The following PARP14 variants were observed in gnomAD, a reference collection of about 807,000 sequenced individuals.
The protein encoded by PARP14 is poly(ADP-ribose) polymerase family member 14, also known as protein mono-ADP-ribosyltransferase PARP14.
In PARP14, 59 loss-of-function variants were observed where a neutral mutation model predicts 154.2. The ratio of observed to expected loss-of-function variants is 0.38; its 90% confidence interval spans 0.31 to 0.48. The LOEUF (loss-of-function observed/expected upper bound fraction) is 0.48, where lower values mean the gene tolerates loss of function less well. PARP14 is among the 20% of genes least tolerant of loss of function. The pLI is 0.98. For synonymous variants in PARP14, 720 were observed against 780.5 expected (o/e 0.92, Z 1.29); for missense variants, 1,734 against 2,131.6 (o/e 0.81, Z 3.67).
intron 6 of PARP14, among the ~76,000 whole-genome samples, chr3:122,703,011 C>CAAA (rs1185336732): frequency 5.9e-5 from 4 of 67,380 alleles, no homozygotes; most frequent in African/African-American, 1.6e-4. Flanking sequence ...AAAAAAAAAA[C>CAAA]AAAAAAAAAA....
At chr3:122,724,332 T>A (rs1160768933) in intron 15 of PARP14, among the ~76,000 whole-genome samples, 2 of 151,902 alleles carry the variant, frequency 1.3e-5, no homozygotes, top group Non-Finnish European at 2.9e-5. Context: ...AAAGTTTTGC[T>A]CTGTCATTCC....
At position 122,687,092 on chromosome 3, in the gene PARP14, A is replaced by G; in HGVS notation, c.334A>G (p.Lys112Glu). 6.3e-7 allele frequency: 1 copy of G among 1,593,734 alleles called. No individual in the cohort carries two copies. The highest frequency in any genetic ancestry group is 8.6e-7 in the Non-Finnish European group (1 of 1,167,006). The change falls in exon 3 of 17, where the codon AAA becomes GAA. Residue 112 changes from lysine to glutamate, a missense_variant. Coordinates refer to ENST00000474629, the MANE Select transcript of PARP14 (RefSeq NM_017554.3). ...EELLTKESKTKEDVKEPDVSE... is the reference protein window; with the variant it reads ...EELLTKESKTEEDVKEPDVSE... Reference sequence around the variant, plus strand: ...GTTTGTGTTTCAGGAATCCAAGACCAAAGAAGATGTTAAAGAACCAGGTAA... The same window carrying G: ...GTTTGTGTTTCAGGAATCCAAGACCGAAGAAGATGTTAAAGAACCAGGTAA...
intron 9 of PARP14, among the ~76,000 whole-genome samples, chr3:122,708,827 C>T (rs114124388): frequency 3.8e-4 from 58 of 152,188 alleles, no homozygotes; most frequent in African/African-American, 1.4e-3. Flanking sequence ...GCCTACCCCC[C>T]TCAATCCCAC....
In PARP14 at chr3:122,728,704, C is replaced by A; in HGVS notation, c.*107C>A. 2 of 827,918 alleles carry A rather than the reference C, an allele frequency of 2.4e-6. No individual in the cohort carries two copies. Among genetic ancestry groups the A allele is most frequent in the South Asian group, 1.7e-5 (1 of 58,206 alleles). 51.3% of individuals were successfully genotyped at this position (827,918 alleles called of 1,614,324 possible). A position where few individuals can be genotyped will look rare whatever the true frequency, so the allele number is the denominator to read the frequency against. On this transcript the variant is annotated 3_prime_UTR_variant, in exon 17 of 17. Transcript: ENST00000474629. ...TCCTCTTAACAGATTTTTCTAATAT[C>A]CAAGGATCATTCTTTGTCGCTGAAG...
intron 15 of PARP14, among the ~76,000 whole-genome samples, chr3:122,724,798 C>G (rs542583796): frequency 6.6e-6 from 1 of 152,090 alleles, no homozygotes; most frequent in Non-Finnish European, 1.5e-5. Context: ...ATCCCTGCGG[C>G]CTTCCGCAGT....
At chr3:122,708,383 T>C (rs1327564409) in intron 9 of PARP14, 115 bp downstream of exon 9, 2 of 634,884 alleles carry the variant, frequency 3.2e-6, no homozygotes, top group South Asian at 1.9e-5. Context: ...GAGTGACAAA[T>C]GATACTAAGT....
At chr3:122,698,879 T>A (rs1045022719) in intron 5 of PARP14, among the ~76,000 whole-genome samples, 1 of 152,142 alleles carries the variant, frequency 6.6e-6, no homozygotes, top group Admixed American at 6.5e-5. Flanking sequence ...AGCTTCACTT[T>A]GAGCACCAAA....
chr3:122,728,328 A>C lies in PARP14; in HGVS notation c.5137A>C (p.Thr1713Pro). The change falls in exon 17 of 17, where the codon ACC (threonine) becomes CCC (proline). Residue 1713 changes from threonine (T) to proline (P), a missense_variant. By Grantham distance (38) the Thr-to-Pro change is conservative. Coordinates refer to ENST00000474629, the MANE Select transcript of PARP14 (RefSeq NM_017554.3). ...CACAGCTGTGGCATATGGAAAGGGAACCTATTTTGCTGTCAATGCCAATTA... is the reference window on the plus strand; with the variant it reads ...CACAGCTGTGGCATATGGAAAGGGACCCTATTTTGCTGTCAATGCCAATTA... ...GKNAVAYGKG[T>P]YFAVNANYSA... The C allele has an allele frequency of 6.2e-7, 1 of 1,613,134 alleles. No homozygotes were observed. The highest frequency in any genetic ancestry group is 8.5e-7 in the Non-Finnish European group (1 of 1,179,100).
At position 122,703,793 on chromosome 3, in the gene PARP14, C is replaced by T; in HGVS notation, c.3133C>T (p.Pro1045Ser). The T allele has an allele frequency of 1.2e-6, 2 of 1,613,786 alleles. No homozygotes were observed. The highest frequency in any genetic ancestry group is 1.7e-6 in the Non-Finnish European group (2 of 1,179,732). The change falls in exon 7 of 17, where the codon CCT becomes TCT. Residue 1045 changes from proline to serine, a missense_variant. Physicochemically the swap from Pro to Ser is moderately conservative, Grantham distance 74. Transcript: ENST00000474629. ...VPLDLVLSRG[P>S]LSKSLLEKAG... is the part of the protein sequence containing the mutation. ...CTTGGATCTCGTGCTTAGTAGAGGG[C>T]CTCTTTCTAAGTCCCTCTTGGAAAA...
At chr3:122,689,501 G>A (rs560448729) in intron 3 of PARP14, among the ~76,000 whole-genome samples, 160 of 152,164 alleles carry the variant, frequency 1.1e-3, no homozygotes, top group Non-Finnish European at 7.1e-4. Context: ...TGGAGTCGTG[G>A]TCTCACTATG....
At position 122,700,662 on chromosome 3, in the gene PARP14, A is replaced by G. The variant is rs372058832; in HGVS notation, c.2108A>G (p.Gln703Arg). The G allele has an allele frequency of 9.9e-6, 16 of 1,608,226 alleles. No homozygotes were observed. The highest frequency in any genetic ancestry group is 1.6e-4 in the Middle Eastern group (1 of 6,082). Residue 703 changes from glutamine to arginine, a missense_variant, in exon 6 of 17, where the codon CAG becomes CGG. Gln to Arg is a conservative substitution (Grantham distance 43). This residue lies in a region of PARP14 where 1,646 missense variants were observed against 1,976.0 expected (regional missense o/e 0.83). Transcript: ENST00000474629. ...FWPKIKKVNV[Q>R]VSFNPENKQK... ...CCAAAGATAAAGAAGGTAAATGTGC[A>G]GGTAAGTTTCAATCCTGAGAACAAA...
At chr3:122,724,460 AT>A (rs956215914) in intron 15 of PARP14, among the ~76,000 whole-genome samples, 4,774 of 101,964 alleles carry the variant, frequency 0.047, 57 homozygotes, top group Middle Eastern at 0.097. Flanking sequence ...CACCACGCCT[AT>A]TTTTTTTTTT....
rs1933406324 is a variant in PARP14 at position 122,730,733 on chromosome 3, A to G, written c.*2136A>G. The G allele has an allele frequency of 6.5e-6, 1 of 152,690 alleles. No individual in the cohort carries two copies. Among genetic ancestry groups the G allele is most frequent in the Admixed American group, 6.5e-5 (1 of 15,286 alleles). The allele number at this position is 152,690 out of a possible 1,614,324, so 9.5% of individuals were successfully genotyped here. A position where few individuals can be genotyped will look rare whatever the true frequency, so the allele number is the denominator to read the frequency against. On this transcript the variant is annotated 3_prime_UTR_variant, in exon 17 of 17. Coordinates refer to ENST00000474629, the MANE Select transcript of PARP14 (RefSeq NM_017554.3). Reference sequence around the variant, plus strand: ...AGGGCAAGGCTGAATATCAGAGTGTATCGCACTGAAGAATAATAATCCATT... The same window carrying G: ...AGGGCAAGGCTGAATATCAGAGTGTGTCGCACTGAAGAATAATAATCCATT...
chr3:122,728,917 G>A lies in PARP14; in HGVS notation c.*320G>A, dbSNP rs1933353432. 1 of 288,642 alleles carries A rather than the reference G, an allele frequency of 3.5e-6. No individual in the cohort carries two copies. Among genetic ancestry groups the A allele is most frequent in the South Asian group, 3.9e-5 (1 of 25,830 alleles). The allele number at this position is 288,642 out of a possible 1,614,324, so 17.9% of individuals were successfully genotyped here. A position where few individuals can be genotyped will look rare whatever the true frequency, so the allele number is the denominator to read the frequency against. On this transcript the variant is annotated 3_prime_UTR_variant, in exon 17 of 17. Transcript: ENST00000474629. ...GAGAATAACAGTCTTATAGACAGAG[G>A]GCACAGCTAAGCACAGCTGCCACTG...
At chr3:122,707,238 C>A (rs981113979) in intron 8 of PARP14, among the ~76,000 whole-genome samples, 1 of 151,924 alleles carries the variant, frequency 6.6e-6, no homozygotes, top group East Asian at 1.9e-4. Context: ...CATGGTGAAA[C>A]CCCGTCTCTA....
intron 3 of PARP14, 139 bp downstream of exon 3, chr3:122,687,252 A>G: frequency 1.6e-6 from 1 of 640,824 alleles, no homozygotes; most frequent in Non-Finnish European, 2.8e-6. Flanking sequence ...CTTGGACTGC[A>G]TCATCTTCAT....
At position 122,728,733 on chromosome 3, in the gene PARP14, G is replaced by T; in HGVS notation, c.*136G>T. The T allele has an allele frequency of 1.5e-6, 1 of 668,254 alleles. No homozygotes were observed. The highest frequency in any genetic ancestry group is 2.6e-6 in the Non-Finnish European group (1 of 389,668). 41.4% of individuals were successfully genotyped at this position (668,254 alleles called of 1,614,324 possible). ...GGATCATTCTTTGTCGCTGAAGTCA[G>T]TCTTTCTTCAGCTTCCCTTTCATAA... On this transcript the variant is annotated 3_prime_UTR_variant, in exon 17 of 17. Coordinates refer to ENST00000474629, the MANE Select transcript of PARP14 (RefSeq NM_017554.3).
At chr3:122,696,833 C>A (rs1254988554) in intron 5 of PARP14, among the ~76,000 whole-genome samples, 3 of 152,186 alleles carry the variant, frequency 2.0e-5, no homozygotes, top group Non-Finnish European at 4.4e-5. Flanking sequence ...GATCTCTTTG[C>A]ACCATCTAAC....
rs1272830881 is a variant in PARP14, at chr3:122,720,404, G to A, written c.4941+16G>A. On this transcript the variant is annotated intron_variant, in intron 15 of 16. Coordinates refer to ENST00000474629, the MANE Select transcript of PARP14 (RefSeq NM_017554.3). ...AATAGAGAAGGTAAGCCTTCTGCTA[G>A]AATGCAGTTTCTGGATGGTGGAAAT... The A allele has an allele frequency of 1.9e-6, 3 of 1,610,128 alleles. No homozygotes were observed. In the Admixed American group the frequency reaches 5.0e-5, roughly 27 times the overall value.
Sources: allele counts gnomAD v4.1 joint callset (sites outside exome capture counted in the v4.1 genomes callset), GRCh38; gene constraint gnomAD v4.1.1; regional missense constraint gnomAD v4.1.1; transcripts MANE v1.5; gene names NCBI Gene and HGNC (gene_info 2026-07-23, HGNC 2026-07-21).